Variants in RHOD observed in about 807,000 individuals in gnomAD.
RHOD encodes the protein ras homolog family member D.
A neutral mutation model predicts 16.7 loss-of-function variants in RHOD; 11 were observed. That is an observed-to-expected ratio of 0.66 (90% CI 0.41 to 1.09). The LOEUF is 1.09. RHOD is among the 50% of genes least tolerant of loss of function. The pLI, the probability that RHOD is intolerant of heterozygous loss-of-function variation, is 0.00. For synonymous variants in RHOD, 124 were observed against 126.3 expected (o/e 0.98, Z 0.12); for missense variants, 271 against 291.7 (o/e 0.93, Z 0.52).
intron 1 of RHOD, 85 bp downstream of exon 1, chr11:67,057,119 G>C (rs1854822855): frequency 2.3e-6 from 3 of 1,314,514 alleles, no homozygotes; most frequent in Non-Finnish European, 2.9e-6. Context: ...CAGGCTGTGC[G>C]CCTAACCCGG....
intron 1 of RHOD, among the ~76,000 whole-genome samples, chr11:67,061,313 A>G (rs1057279101): frequency 6.6e-6 from 1 of 152,056 alleles, no homozygotes; most frequent in Non-Finnish European, 1.5e-5. Flanking sequence ...CCTGGCCAAC[A>G]CTGTAAAACC....
intron 1 of RHOD, among the ~76,000 whole-genome samples, chr11:67,060,373 A>T (rs1326575297): frequency 6.6e-6 from 1 of 152,224 alleles, no homozygotes; most frequent in Non-Finnish European, 1.5e-5. Context: ...GGCTTAACAG[A>T]TAAAATTAGG....
chr11:67,064,394 G>A (rs1325484368), intron 1 of RHOD, among the ~76,000 whole-genome samples: 1 of 144,680 alleles, frequency 6.9e-6, no homozygotes, highest in East Asian at 2.0e-4. Flanking sequence ...GACAGAGTGA[G>A]ACTCCCTCTC....
At chr11:67,063,996 C>T (rs1854925445) in intron 1 of RHOD, among the ~76,000 whole-genome samples, 4 of 149,786 alleles carry the variant, frequency 2.7e-5, no homozygotes, top group Admixed American at 1.3e-4. Flanking sequence ...ATGCCAGCTA[C>T]TCGGGAGGCT....
chr11:67,057,545 G>A (rs1189536552), intron 1 of RHOD, among the ~76,000 whole-genome samples: 1 of 152,224 alleles, frequency 6.6e-6, no homozygotes, highest in Non-Finnish European at 1.5e-5. Flanking sequence ...AAGGACTCAC[G>A]GAGAGTTGGC....
chr11:67,065,561 G>A (rs1174248377), intron 1 of RHOD, among the ~76,000 whole-genome samples: 1 of 152,042 alleles, frequency 6.6e-6, no homozygotes, highest in Non-Finnish European at 1.5e-5. Context: ...AGTAGAGACG[G>A]TTTCACCATG....
intron 1 of RHOD, among the ~76,000 whole-genome samples, chr11:67,057,695 C>A (rs1018239684): frequency 6.6e-6 from 1 of 152,234 alleles, no homozygotes; most frequent in African/African-American, 2.4e-5. Flanking sequence ...CTCCTCTGAG[C>A]CCCGTGCCCT....
chr11:67,059,843 G>A (rs1469217046), intron 1 of RHOD, among the ~76,000 whole-genome samples: 1 of 152,196 alleles, frequency 6.6e-6, no homozygotes, highest in Non-Finnish European at 1.5e-5. Context: ...AAGCCCAAGG[G>A]GCCAGCAGCC....
At chr11:67,063,681 C>T (rs1209008077) in intron 1 of RHOD, among the ~76,000 whole-genome samples, 3 of 150,894 alleles carry the variant, frequency 2.0e-5, no homozygotes, top group African/African-American at 7.3e-5. Flanking sequence ...TGCTTGTAAT[C>T]CCAGCTACTC....
intron 3 of RHOD, among the ~76,000 whole-genome samples, chr11:67,069,706 A>T (rs2136249725): frequency 7.5e-6 from 1 of 133,808 alleles, no homozygotes; most frequent in South Asian, 2.4e-4. Flanking sequence ...TTATTTATTT[A>T]TTTTGAGATG....
At chr11:67,061,755 A>AATATATAT (rs1264429454) in intron 1 of RHOD, among the ~76,000 whole-genome samples, 8 of 127,252 alleles carry the variant, frequency 6.3e-5, no homozygotes, top group African/African-American at 2.6e-4. Context: ...AAAAAAAAAA[A>AATATATAT]ATATATATAT....
chr11:67,065,951 A>C lies in RHOD; in HGVS notation c.188A>C (p.Lys63Thr). The C allele has an allele frequency of 1.2e-6, 2 of 1,611,242 alleles. No homozygotes were observed. ...RYMVNLQVKG[K>T]PVHLHIWDTA... ...ATGGTCAACCTGCAAGTGAAAGGCA[A>C]ACCTGTGCACCTCCACATCTGGGAC... The change falls in exon 2 of 5, where the codon AAA becomes ACA. Residue 63 changes from lysine to threonine, a missense_variant. Lys to Thr is a moderately conservative substitution (Grantham distance 78). Transcript: ENST00000308831.
At chr11:67,069,638 G>A (rs994540381) in intron 3 of RHOD, among the ~76,000 whole-genome samples, 1 of 151,820 alleles carries the variant, frequency 6.6e-6, no homozygotes, top group South Asian at 2.1e-4. Flanking sequence ...GGGATTACAG[G>A]CGTGAGCCAC....
chr11:67,070,092 C>T lies in RHOD; in HGVS notation c.331-333C>T, dbSNP rs116472368. Among the ~76,000 whole-genome samples the T allele has an allele frequency of 8.6e-4, 131 of 152,216 alleles. 1 individual carries two copies. The highest frequency in any genetic ancestry group is 2.9e-3 in the African/African-American group (122 of 41,528). Reference sequence around the variant, plus strand: ...CCTGCAGAGAGGAAAGATTCTAGAACGGCAGGAGCAGGGTTCTGAGCCCCA... The same window carrying T: ...CCTGCAGAGAGGAAAGATTCTAGAATGGCAGGAGCAGGGTTCTGAGCCCCA... On this transcript the variant is annotated intron_variant, in intron 3 of 4. Transcript: ENST00000308831.
Position 67,063,507 on chromosome 11 carries a change from T to TA in RHOD, c.133-2389_133-2388insA, listed in dbSNP as rs1565351377. On this transcript the variant is annotated intron_variant, in intron 1 of 4. Coordinates refer to ENST00000308831, the MANE Select transcript of RHOD (RefSeq NM_014578.4). ...GACCCTATCTTTTTTTTTTTTTTTT[T>TA]TAAAAAAAGGCCAGGCGTGGTGGCT... 4.7e-4 allele frequency among the ~76,000 whole-genome samples: 48 copies of TA among 102,018 alleles called. 1 individual carries two copies. The highest frequency in any genetic ancestry group is 2.6e-3 in the East Asian group (9 of 3,522). The allele number at this position is 102,018 out of a possible 152,430, so 66.9% of individuals were successfully genotyped here.
At chr11:67,063,490 C>CTT (rs1233216193) in intron 1 of RHOD, among the ~76,000 whole-genome samples, 3 of 125,134 alleles carry the variant, frequency 2.4e-5, no homozygotes, top group Non-Finnish European at 4.9e-5. Flanking sequence ...GAGACCCTAT[C>CTT]TTTTTTTTTT....
At chr11:67,068,669 G>A (rs1305082469) in intron 3 of RHOD, among the ~76,000 whole-genome samples, 5 of 152,106 alleles carry the variant, frequency 3.3e-5, no homozygotes, top group Admixed American at 2.0e-4. Flanking sequence ...TTAGCCGGGC[G>A]TGGTGGCACA....
intron 4 of RHOD, 77 bp from the exon 5 acceptor site, chr11:67,071,358 G>C: frequency 7.0e-7 from 1 of 1,423,678 alleles, no homozygotes; most frequent in Non-Finnish European, 9.3e-7. Flanking sequence ...TTCCACTCTT[G>C]TCCGGGAAAA....
rs141064779 is a variant in RHOD, at chr11:67,062,411, C to T, written c.133-3485C>T. Among the ~76,000 whole-genome samples the T allele has an allele frequency of 1.5e-4, 23 of 152,346 alleles. No individual in the cohort carries two copies. The East Asian group carries it at 4.4e-3, about 29-fold the overall frequency. ...CCAGGTCACACTGCCCTGGCAAAGGCAAAGGGCCTGAGGGAGGGCACCCTG... is the reference window on the plus strand; with the variant it reads ...CCAGGTCACACTGCCCTGGCAAAGGTAAAGGGCCTGAGGGAGGGCACCCTG... On this transcript the variant is annotated intron_variant, in intron 1 of 4. Transcript: ENST00000308831.
Sources: allele counts gnomAD v4.1 joint callset (sites outside exome capture counted in the v4.1 genomes callset), GRCh38; gene constraint gnomAD v4.1.1; transcripts MANE v1.5; gene names NCBI Gene and HGNC (gene_info 2026-07-23, HGNC 2026-07-21).